The following MAGI2 variants were observed in gnomAD, a reference collection of about 807,000 sequenced individuals.
The protein encoded by MAGI2 is membrane associated guanylate kinase, WW and PDZ domain containing 2.
MAGI2 carries 35 observed loss-of-function variants against 133.3 expected under a neutral mutation model. The observed-to-expected ratio is 0.26, with a 90% CI of 0.20 to 0.35. MAGI2 has a LOEUF of 0.35. MAGI2 is among the 10% of genes least tolerant of loss of function. The pLI, the probability that MAGI2 is intolerant of heterozygous loss-of-function variation, is 1.00. For synonymous variants in MAGI2, 729 were observed against 710.6 expected (o/e 1.03, Z -0.41); for missense variants, 1,636 against 1,863.4 (o/e 0.88, Z 2.25).
chr7:78,718,876 C>T (rs764011316), intron 2 of MAGI2, among the ~76,000 whole-genome samples: 4 of 152,094 alleles, frequency 2.6e-5, no homozygotes, highest in Non-Finnish European at 5.9e-5. Flanking sequence ...TGGGGACATA[C>T]GGTTGCCAGT....
chr7:78,366,286 T>A, intron 7 of MAGI2, among the ~76,000 whole-genome samples: 1 of 152,266 alleles, frequency 6.6e-6, no homozygotes, highest in South Asian at 2.1e-4. Context: ...ACTATAATTA[T>A]GAATGGAATC....
At chr7:78,390,550 G>C (rs1260203846) in intron 6 of MAGI2, among the ~76,000 whole-genome samples, 1 of 151,704 alleles carries the variant, frequency 6.6e-6, no homozygotes, top group Non-Finnish European at 1.5e-5. Flanking sequence ...TATGGTAGAA[G>C]TGGGGCAGAG....
chr7:78,643,750 G>A (rs1042586673), intron 2 of MAGI2, among the ~76,000 whole-genome samples: 2 of 152,080 alleles, frequency 1.3e-5, no homozygotes, highest in African/African-American at 4.8e-5. Flanking sequence ...TGGGGGATGG[G>A]AATGGTGGCA....
rs1808118805 is a variant in MAGI2, at chr7:78,019,670, G to A, written c.4013C>T (p.Pro1338Leu). Residue 1338 changes from proline to leucine, a missense_variant, in exon 22 of 22, where the codon CCC becomes CTC. Pro to Leu is a moderately conservative substitution (Grantham distance 98, BLOSUM62 -3). Coordinates refer to ENST00000354212, the MANE Select transcript of MAGI2 (RefSeq NM_012301.4). ...CTCCGAGGCGGGCCTGCCGGCCTCG[G>A]GCCGCCCCTGGCCGCCGGGCGCCTC... ...LEEAPGGQGR[P>L]EAGRPASEAR... The A allele has an allele frequency of 7.4e-7, 1 of 1,360,366 alleles. No individual in the cohort carries two copies. The highest frequency in any genetic ancestry group is 1.5e-5 in the African/African-American group (1 of 64,918). 84.3% of individuals were successfully genotyped at this position (1,360,366 alleles called of 1,614,324 possible). A position where few individuals can be genotyped will look rare whatever the true frequency, so the allele number is the denominator to read the frequency against.
chr7:78,759,076 G>A (rs1824233620), intron 2 of MAGI2, among the ~76,000 whole-genome samples: 1 of 151,846 alleles, frequency 6.6e-6, no homozygotes, highest in African/African-American at 2.4e-5. Context: ...ATGACTTCGT[G>A]GAATGCAAAT....
intron 6 of MAGI2, among the ~76,000 whole-genome samples, chr7:78,406,554 C>T (rs1797393988): frequency 6.6e-6 from 1 of 152,002 alleles, no homozygotes; most frequent in Admixed American, 6.6e-5. Flanking sequence ...TTTCCTATGA[C>T]ATGAAAGATA....
chr7:79,197,808 G>A (rs1269865891), intron 1 of MAGI2, among the ~76,000 whole-genome samples: 3 of 152,034 alleles, frequency 2.0e-5, no homozygotes, highest in Non-Finnish European at 4.4e-5. Context: ...CATAGCAGAA[G>A]TGGTAAAAAG....
At chr7:78,208,583 G>A (rs17809941) in intron 10 of MAGI2, among the ~76,000 whole-genome samples, 26,026 of 152,102 alleles carry the variant, frequency 0.17, 2,865 homozygotes, top group Non-Finnish European at 0.24. Context: ...CCTGCTCTGG[G>A]TTTATGGCAC....
chr7:78,626,069 T>G (rs2150952021), intron 3 of MAGI2, among the ~76,000 whole-genome samples: 1 of 152,244 alleles, frequency 6.6e-6, no homozygotes, highest in South Asian at 2.1e-4. Flanking sequence ...CCCAGCTTAT[T>G]TGATGATGTT....
chr7:78,140,982 G>A (rs1345431382), intron 16 of MAGI2, among the ~76,000 whole-genome samples: 1 of 152,190 alleles, frequency 6.6e-6, no homozygotes, highest in African/African-American at 2.4e-5. Context: ...GAAATCCTGA[G>A]TCCAGGTGTA....
intron 2 of MAGI2, among the ~76,000 whole-genome samples, chr7:78,898,829 A>G (rs1797401717): frequency 6.6e-6 from 1 of 152,194 alleles, no homozygotes; most frequent in South Asian, 2.1e-4. Flanking sequence ...GTAAATATTC[A>G]AACTCATAAT....
At chr7:78,497,534 A>G (rs1251271764) in intron 5 of MAGI2, among the ~76,000 whole-genome samples, 1 of 152,192 alleles carries the variant, frequency 6.6e-6, no homozygotes, top group African/African-American at 2.4e-5. Context: ...TAAAGGACTC[A>G]GCCATATAAC....
In MAGI2 at chr7:79,324,095, T is replaced by C. The variant is rs544553145; in HGVS notation, c.301+128925A>G. 9.9e-5 allele frequency among the ~76,000 whole-genome samples: 15 copies of C among 152,250 alleles called. No homozygotes were observed. In the South Asian group the frequency reaches 3.1e-3, roughly 32 times the overall value. ...ACAGCAAAGCACTGTTATTATTTCA[T>C]ATTTAAAAAGGAGATAATAGTACCT... On this transcript the variant is annotated intron_variant, in intron 1 of 21. Coordinates refer to ENST00000354212, the MANE Select transcript of MAGI2 (RefSeq NM_012301.4).
intron 1 of MAGI2, among the ~76,000 whole-genome samples, chr7:79,312,295 C>T (rs1838351247): frequency 6.6e-6 from 1 of 152,160 alleles, no homozygotes; most frequent in Non-Finnish European, 1.5e-5. Context: ...CCCACTATTA[C>T]TCTTTGATCT....
At chr7:78,573,992 G>C (rs1206174750) in intron 3 of MAGI2, among the ~76,000 whole-genome samples, 1 of 152,142 alleles carries the variant, frequency 6.6e-6, no homozygotes, top group Non-Finnish European at 1.5e-5. Context: ...TATGTATACA[G>C]GTGGCCTTAG....
intron 1 of MAGI2, among the ~76,000 whole-genome samples, chr7:79,298,207 T>C (rs1217908450): frequency 6.6e-6 from 1 of 152,242 alleles, no homozygotes; most frequent in Non-Finnish European, 1.5e-5. Flanking sequence ...TTTGATTACA[T>C]TTTTGTTTTA....
intron 2 of MAGI2, among the ~76,000 whole-genome samples, chr7:78,650,366 G>A (rs1310916947): frequency 6.6e-6 from 1 of 152,180 alleles, no homozygotes; most frequent in Non-Finnish European, 1.5e-5. Context: ...CAGGGCTATA[G>A]AATGGGTTGG....
chr7:78,192,700 G>C (rs1293606393), intron 12 of MAGI2, among the ~76,000 whole-genome samples: 1 of 152,118 alleles, frequency 6.6e-6, no homozygotes, highest in Non-Finnish European at 1.5e-5. Flanking sequence ...TTAGTGTTAT[G>C]AAGAAATGTG....
chr7:78,465,406 C>T (rs992110651), intron 6 of MAGI2, among the ~76,000 whole-genome samples: 3 of 152,076 alleles, frequency 2.0e-5, no homozygotes, highest in African/African-American at 7.2e-5. Context: ...TTACCTTGCA[C>T]AATAGGGTTT....
Sources: gnomAD v4.1 joint callset for allele counts (sites outside exome capture counted in the v4.1 genomes callset) on GRCh38, gnomAD v4.1.1 for gene constraint, MANE v1.5 for transcripts, NCBI Gene and HGNC (gene_info 2026-07-23, HGNC 2026-07-21) for gene names.